Variants in SLC60A1 observed in about 807,000 individuals in gnomAD.
The protein encoded by SLC60A1 is solute carrier family 60 member 1.
chr1:205,589,385 A>T, the SLC60A1 span, among the ~76,000 whole-genome samples: 3 of 152,198 alleles, frequency 2.0e-5, no homozygotes, highest in African/African-American at 7.2e-5. Context: ...ATGGGGAAGT[A>T]AACAGGGGCT....
the SLC60A1 span, among the ~76,000 whole-genome samples, chr1:205,571,260 A>G: frequency 6.6e-6 from 1 of 152,218 alleles, no homozygotes; most frequent in Admixed American, 6.5e-5. Flanking sequence ...CCCACATCAC[A>G]TGGTTGTTAA....
chr1:205,584,773 C>G, the SLC60A1 span: 1 of 978,604 alleles, frequency 1.0e-6, no homozygotes, highest in Non-Finnish European at 1.6e-6. Context: ...TAAGTGGGCC[C>G]CATCCTGCAG....
chr1:205,572,646 C>T, the SLC60A1 span, among the ~76,000 whole-genome samples: 4 of 152,224 alleles, frequency 2.6e-5, no homozygotes, highest in African/African-American at 9.6e-5. Context: ...CCAGCTTCTC[C>T]CCTTGAGCTG....
chr1:205,591,797 T>C, the SLC60A1 span, among the ~76,000 whole-genome samples: 1 of 152,176 alleles, frequency 6.6e-6, no homozygotes, highest in East Asian at 1.9e-4. Flanking sequence ...CTGATGAAAT[T>C]GGCTTGGGTG....
chr1:205,598,899 G>T, the SLC60A1 span: 1 of 566,058 alleles, frequency 1.8e-6, no homozygotes. Flanking sequence ...GCAAGGGACT[G>T]CAGGGGGTCA....
the SLC60A1 span, among the ~76,000 whole-genome samples, chr1:205,569,836 C>A: frequency 6.6e-6 from 1 of 152,150 alleles, no homozygotes; most frequent in East Asian, 1.9e-4. Context: ...GGCAGCTCCA[C>A]ATCAGCTAAC....
the SLC60A1 span, chr1:205,602,166 A>C: frequency 6.6e-6 from 1 of 152,332 alleles, no homozygotes; most frequent in Non-Finnish European, 1.5e-5. Flanking sequence ...TTCTCTATGT[A>C]TATACAAATG....
At chr1:205,580,590 G>A in the SLC60A1 span, 2 of 1,566,090 alleles carry the variant, frequency 1.3e-6, no homozygotes, top group African/African-American at 1.3e-5. The surrounding 1 kb of genome is among the most constrained non-coding windows in gnomAD (Gnocchi z 5.0). Flanking sequence ...CTGGACCGGA[G>A]GCCAGGCCAC....
the SLC60A1 span, among the ~76,000 whole-genome samples, chr1:205,575,400 G>A: frequency 2.6e-5 from 4 of 152,312 alleles, no homozygotes; most frequent in Admixed American, 6.5e-5. Flanking sequence ...CCTACCCAGG[G>A]TGGCATGGGG....
chr1:205,584,179 A>G, the SLC60A1 span: 2 of 1,523,492 alleles, frequency 1.3e-6, no homozygotes, highest in Non-Finnish European at 1.8e-6. Flanking sequence ...CTTCCTTGGT[A>G]ACCCCTCTCC....
chr1:205,594,603 C>T, the SLC60A1 span, among the ~76,000 whole-genome samples: 1 of 149,492 alleles, frequency 6.7e-6, no homozygotes, highest in African/African-American at 2.5e-5. Context: ...TTGCAGCGAG[C>T]TGAGATTGCA....
chr1:205,602,688 A>T, the SLC60A1 span: 1 of 152,290 alleles, frequency 6.6e-6, no homozygotes, highest in Non-Finnish European at 1.5e-5. Context: ...CAAAAGTATT[A>T]GATGCCAGTC....
the SLC60A1 span, among the ~76,000 whole-genome samples, chr1:205,595,584 A>G: frequency 6.6e-6 from 1 of 152,190 alleles, no homozygotes; most frequent in Non-Finnish European, 1.5e-5. Flanking sequence ...CTGTGCAGGC[A>G]ATAGCACACC....
chr1:205,600,494 G>A, the SLC60A1 span: 1 of 1,607,304 alleles, frequency 6.2e-7, no homozygotes, highest in South Asian at 1.1e-5. Flanking sequence ...AAGACTTTCA[G>A]CCTCTTGATC....
the SLC60A1 span, chr1:205,600,455 G>C: frequency 6.2e-7 from 1 of 1,614,146 alleles, no homozygotes; most frequent in Non-Finnish European, 8.5e-7. Flanking sequence ...AGTGCTACCA[G>C]AGGTAAAACT....
the SLC60A1 span, chr1:205,600,372 G>GA: frequency 6.2e-7 from 1 of 1,606,140 alleles, no homozygotes; most frequent in Non-Finnish European, 8.5e-7. Context: ...CAGAGCTGCT[G>GA]AAACATGCTA....
the SLC60A1 span, chr1:205,579,587 A>C: frequency 1.2e-5 from 9 of 749,370 alleles, no homozygotes; most frequent in Non-Finnish European, 2.0e-5. Flanking sequence ...AGACTTTGAC[A>C]ACTTGCCCAC....
the SLC60A1 span, chr1:205,597,952 C>G: frequency 1.6e-6 from 2 of 1,241,462 alleles, no homozygotes; most frequent in Admixed American, 1.7e-5. Flanking sequence ...CTGTCCCTTT[C>G]CTGAGTCTCC....
the SLC60A1 span, among the ~76,000 whole-genome samples, chr1:205,573,993 G>A: frequency 6.6e-6 from 1 of 151,982 alleles, no homozygotes; most frequent in East Asian, 1.9e-4. Context: ...CACTGCGCCT[G>A]GCCTGGATAT....
Sources: allele counts gnomAD v4.1 joint callset (sites outside exome capture counted in the v4.1 genomes callset), GRCh38; gene constraint gnomAD v4.1.1; non-coding constraint Gnocchi (gnomAD v3.1); transcripts MANE v1.5; gene names NCBI Gene and HGNC (gene_info 2026-07-23, HGNC 2026-07-21).